The following TMPRSS11E variants were observed in gnomAD, a reference collection of about 807,000 sequenced individuals.
The protein encoded by TMPRSS11E is transmembrane protease serine 11E.
TMPRSS11E carries 38 observed loss-of-function variants against 48.1 expected under a neutral mutation model. That is an observed-to-expected ratio of 0.79 (90% CI 0.61 to 1.04). The LOEUF is 1.04. Among genes scored for constraint, TMPRSS11E ranks in the 50% least tolerant of loss-of-function variants. The pLI is 0.00. For missense variants in TMPRSS11E, 530 were observed against 510.8 expected, an observed-to-expected ratio of 1.04 and a Z score of -0.36; for synonymous variants, 158 against 171.9, an observed-to-expected ratio of 0.92 and a Z score of 0.63.
chr4:68,494,427 CCTAGA>C (rs1729814333), intron 9 of TMPRSS11E, among the ~76,000 whole-genome samples: 1 of 152,164 alleles, frequency 6.6e-6, no homozygotes, highest in African/African-American at 2.4e-5. Flanking sequence ...TCAGTTAAGT[CCTAGA>C]CTATTTTCCC....
chr4:68,461,274 C>CA (rs1425968300), intron 1 of TMPRSS11E, among the ~76,000 whole-genome samples: 1 of 152,128 alleles, frequency 6.6e-6, no homozygotes, highest in Non-Finnish European at 1.5e-5. Flanking sequence ...TATGTATCCT[C>CA]AAAGTTTGGT....
At chr4:68,495,545 C>T (rs955503529) in intron 9 of TMPRSS11E, among the ~76,000 whole-genome samples, 67 of 152,110 alleles carry the variant, frequency 4.4e-4, no homozygotes, top group African/African-American at 1.5e-3. Flanking sequence ...CTCCTACATA[C>T]GAGGGTATCA....
intron 1 of TMPRSS11E, among the ~76,000 whole-genome samples, chr4:68,452,410 A>G (rs1309064180): frequency 6.6e-6 from 1 of 152,004 alleles, no homozygotes; most frequent in East Asian, 1.9e-4. Flanking sequence ...TAAATATGCT[A>G]CATATGTAAT....
chr4:68,487,549 G>C (rs540249225), intron 9 of TMPRSS11E, among the ~76,000 whole-genome samples: 12 of 152,226 alleles, frequency 7.9e-5, no homozygotes, highest in African/African-American at 2.9e-4. Context: ...ACCATGCCTA[G>C]CCAGGTAATG....
Position 68,461,829 on chromosome 4 carries a change from T to C in TMPRSS11E, c.20T>C (p.Val7Ala), listed in dbSNP as rs774000748. The change falls in exon 2 of 10, where the codon GTG (valine) becomes GCG (alanine). Residue 7 changes from valine to alanine, a missense_variant. By Grantham distance (64) the Val-to-Ala change is moderately conservative. Coordinates refer to ENST00000305363, the MANE Select transcript of TMPRSS11E (RefSeq NM_014058.4). The stretch of plus-strand genomic sequence containing the variant: ...TTTATTTTCTTCCTTAGGCCAGATG[T>C]GGTGAGGGCTAGGAAAAGAGTTTGT... Reference protein sequence around the residue: MMYRPDVVRARKRVCWE... With the variant: MMYRPDAVRARKRVCWE... The C allele has an allele frequency of 6.2e-7, 1 of 1,614,180 alleles. No individual in the cohort carries two copies. The highest frequency in any genetic ancestry group is 1.1e-5 in the South Asian group (1 of 91,084).
intron 1 of TMPRSS11E, among the ~76,000 whole-genome samples, chr4:68,452,036 A>AG (rs1728512244): frequency 6.6e-6 from 1 of 151,940 alleles, no homozygotes; most frequent in South Asian, 2.1e-4. Flanking sequence ...GTAGACCTCT[A>AG]AGGCCAGTGG....
intron 2 of TMPRSS11E, 78 bp downstream of exon 2, chr4:68,462,023 G>T: frequency 6.4e-7 from 1 of 1,568,134 alleles, no homozygotes; most frequent in East Asian, 2.3e-5. Context: ...TTTGCCTCAG[G>T]CTTATTCATT....
chr4:68,478,212 A>G (rs1027210333), intron 8 of TMPRSS11E, among the ~76,000 whole-genome samples: 8 of 141,844 alleles, frequency 5.6e-5, no homozygotes, highest in Non-Finnish European at 9.0e-5. Flanking sequence ...CAGAAGTGCA[A>G]TGGTGCGATC....
intron 1 of TMPRSS11E, among the ~76,000 whole-genome samples, chr4:68,459,849 G>A (rs1728740187): frequency 6.6e-6 from 1 of 152,190 alleles, no homozygotes; most frequent in African/African-American, 2.4e-5. Flanking sequence ...GCTTACGTGT[G>A]TTATACCCAT....
chr4:68,477,459 T>A lies in TMPRSS11E; in HGVS notation c.798T>A (p.His266Gln). ...GGGGTCTCCGGAGAATAATTGTCCA[T>A]GAAAAATACAAACACCCATCACATG... ...MKRGLRRIIV[H>Q]EKYKHPSHDY... The change falls in exon 8 of 10, where the codon CAT (histidine) becomes CAA (glutamine). Residue 266 changes from histidine to glutamine, a missense_variant. Coordinates refer to ENST00000305363, the MANE Select transcript of TMPRSS11E (RefSeq NM_014058.4). The A allele has an allele frequency of 4.3e-6, 7 of 1,614,052 alleles. No homozygotes were observed. Among genetic ancestry groups the A allele is most frequent in the Non-Finnish European group, 5.9e-6 (7 of 1,179,970 alleles).
chr4:68,453,011 G>C (rs34764123), intron 1 of TMPRSS11E, among the ~76,000 whole-genome samples: 35,890 of 151,790 alleles, frequency 0.24, 4,596 homozygotes, highest in Middle Eastern at 0.31. Context: ...GCTTAATGCA[G>C]ACCCTTGATG....
intron 9 of TMPRSS11E, among the ~76,000 whole-genome samples, chr4:68,495,077 A>G (rs1729829681): frequency 6.6e-6 from 1 of 152,176 alleles, no homozygotes; most frequent in South Asian, 2.1e-4. Flanking sequence ...CCTAAAAAAA[A>G]GCATATCTAA....
rs752136739 is a variant in TMPRSS11E at position 68,471,411 on chromosome 4, TTTC to T, written c.327-43_327-41del. The T allele has an allele frequency of 3.1e-5, 16 of 520,912 alleles. No homozygotes were observed. In the African/African-American group the frequency reaches 3.4e-4, roughly 11 times the overall value. The allele number at this position is 520,912 out of a possible 1,614,324, so 32.3% of individuals were successfully genotyped here. A position where few individuals can be genotyped will look rare whatever the true frequency, so the allele number is the denominator to read the frequency against. On this transcript the variant is annotated intron_variant, in intron 4 of 9. Coordinates refer to ENST00000305363, the MANE Select transcript of TMPRSS11E (RefSeq NM_014058.4). The stretch of plus-strand genomic sequence containing the variant: ...CTCCCTCCCTCCCTTCCTGCCTTTC[TTTC>T]TTCTTTTCTTTTCTTTCTTTCATTT...
rs752080964 is a variant in TMPRSS11E, at chr4:68,477,632, A to G, written c.967+4A>G. 3 of 1,610,792 alleles carry G rather than the reference A, an allele frequency of 1.9e-6. No homozygotes were observed. Among genetic ancestry groups the G allele is most frequent in the Admixed American group, 3.4e-5 (2 of 59,600 alleles). On this transcript the variant is annotated splice_donor_region_variant and intron_variant, in intron 8 of 9. Coordinates refer to ENST00000305363, the MANE Select transcript of TMPRSS11E (RefSeq NM_014058.4). ...TTTGGAGCACTGAAAAATGATGGTG[A>G]GCATCGGAAGAGGAACTCAAGTAAA...
At position 68,489,403 on chromosome 4, in the gene TMPRSS11E, C is replaced by T. The variant is rs181759360; in HGVS notation, c.1111-7240C>T. Among the ~76,000 whole-genome samples, 23 of 152,200 alleles carry T rather than the reference C, an allele frequency of 1.5e-4. No homozygotes were observed. The East Asian group carries it at 3.7e-3, about 24-fold the overall frequency. Reference sequence around the variant, plus strand: ...AACTGTGCTGGCAAAGGCACTTTGGCGGGGTGGCAGTGGGTCAGTGAGGGT... The same window carrying T: ...AACTGTGCTGGCAAAGGCACTTTGGTGGGGTGGCAGTGGGTCAGTGAGGGT... On this transcript the variant is annotated intron_variant, in intron 9 of 9. Coordinates refer to ENST00000305363, the MANE Select transcript of TMPRSS11E (RefSeq NM_014058.4).
At chr4:68,486,963 C>T (rs1584874) in intron 9 of TMPRSS11E, among the ~76,000 whole-genome samples, 100,538 of 151,938 alleles carry the variant, frequency 0.66, 33,635 homozygotes, top group East Asian at 0.87. Flanking sequence ...TTTTGTTTTT[C>T]ATTTGCTTGG....
At chr4:68,478,791 C>T in intron 8 of TMPRSS11E, 58 bp from the exon 9 acceptor site, 1 of 1,577,812 alleles carries the variant, frequency 6.3e-7, no homozygotes, top group Non-Finnish European at 8.7e-7. Flanking sequence ...GAAACATTTT[C>T]TTCAAGTTTA....
rs554580013 is a variant in TMPRSS11E, at chr4:68,495,053, T to C, written c.1111-1590T>C. Among the ~76,000 whole-genome samples, 54 of 152,288 alleles carry C rather than the reference T, an allele frequency of 3.5e-4. No homozygotes were observed. In the East Asian group the frequency reaches 0.01, roughly 28 times the overall value. Reference sequence around the variant, plus strand: ...GAAGTTTATAATTCCACTCCCATTATTCTGGCTCCCTTGCCTAAAAAAAAG... The same window carrying C: ...GAAGTTTATAATTCCACTCCCATTACTCTGGCTCCCTTGCCTAAAAAAAAG... On this transcript the variant is annotated intron_variant, in intron 9 of 9. Transcript: ENST00000305363.
Position 68,465,485 on chromosome 4 carries a change from A to G in TMPRSS11E, c.137-1146A>G, listed in dbSNP as rs751335695. 7.2e-4 allele frequency among the ~76,000 whole-genome samples: 110 copies of G among 152,320 alleles called. 1 individual carries two copies. The highest frequency in any genetic ancestry group is 2.5e-3 in the African/African-American group (102 of 41,572). On this transcript the variant is annotated intron_variant, in intron 2 of 9. Coordinates refer to ENST00000305363, the MANE Select transcript of TMPRSS11E (RefSeq NM_014058.4). ...GAAGCAGCATGTGAAGTAAGTGGGT[A>G]CTTTGGGAGTTAGTCTTGGCTATGT...
Sources: gnomAD v4.1 joint callset for allele counts (sites outside exome capture counted in the v4.1 genomes callset) on GRCh38, gnomAD v4.1.1 for gene constraint, MANE v1.5 for transcripts, NCBI Gene and HGNC (gene_info 2026-07-23, HGNC 2026-07-21) for gene names.